The following LMO3 variants were observed in gnomAD, a reference collection of about 807,000 sequenced individuals.
LMO3 encodes the protein LIM domain only 3.
LMO3 carries 2 observed loss-of-function variants against 15.8 expected under a neutral mutation model. The ratio of observed to expected loss-of-function variants is 0.13; its 90% CI spans 0.05 to 0.40. The LOEUF is 0.40. LMO3 is among the 10% of genes least tolerant of loss of function. The pLI is 0.99. For synonymous variants in LMO3, 62 were observed against 63.8 expected (o/e 0.97, Z 0.13); for missense variants, 86 against 182.2 (o/e 0.47, Z 3.04).
At chr12:16,574,315 GA>G (rs1942925074) in intron 2 of LMO3, among the ~76,000 whole-genome samples, 1 of 152,070 alleles carries the variant, frequency 6.6e-6, no homozygotes, top group African/African-American at 2.4e-5. Flanking sequence ...TCTGATCAAC[GA>G]AAACGCCTGT....
At chr12:16,557,770 G>A (rs896313326) in intron 3 of LMO3, among the ~76,000 whole-genome samples, 23 of 151,948 alleles carry the variant, frequency 1.5e-4, no homozygotes, top group Admixed American at 9.2e-4. Flanking sequence ...AGGTATTAGT[G>A]TTTCTATTTT....
At chr12:16,581,365 G>A (rs181797554) in intron 2 of LMO3, among the ~76,000 whole-genome samples, 15 of 152,256 alleles carry the variant, frequency 9.9e-5, no homozygotes, top group Admixed American at 9.2e-4. Context: ...TCTCTAAAAT[G>A]GGTTTAATAA....
rs1349806689 is a variant in LMO3 at position 16,597,967 on chromosome 12, C to A, written c.206+2688G>T. 1 of 151,868 alleles carries A rather than the reference C, an allele frequency of 6.6e-6. No homozygotes were observed. Among genetic ancestry groups the A allele is most frequent in the Admixed American group, 6.6e-5 (1 of 15,224 alleles). 9.4% of individuals were successfully genotyped at this position (151,868 alleles called of 1,614,324 possible). Reference sequence around the variant, plus strand: ...TTAGATAGTGGCAACTTTAGGTGTACCTTCCTTTTTCCTTTAGCTAATTTC... The same window carrying A: ...TTAGATAGTGGCAACTTTAGGTGTAACTTCCTTTTTCCTTTAGCTAATTTC... On this transcript the variant is annotated intron_variant, in intron 2 of 3. Coordinates refer to ENST00000537304, the MANE Select transcript of LMO3 (RefSeq NM_018640.5). The surrounding 1 kb of genome is among the most constrained non-coding windows in gnomAD (Gnocchi z 5.0).
chr12:16,605,294 A>C, intron 1 of LMO3: 1 of 1,178,860 alleles, frequency 8.5e-7, no homozygotes, highest in Non-Finnish European at 1.1e-6. Flanking sequence ...AAGATCATAA[A>C]TCTGACTTGT....
intron 2 of LMO3, among the ~76,000 whole-genome samples, chr12:16,592,471 C>T (rs928843503): frequency 5.3e-5 from 8 of 151,960 alleles, no homozygotes; most frequent in Admixed American, 5.3e-4. Flanking sequence ...TCTAAAATTA[C>T]ATTCACAGTA....
rs146725768 is a variant in LMO3, at chr12:16,586,767, G to A, written c.206+13888C>T. Among the ~76,000 whole-genome samples the A allele has an allele frequency of 1.3e-3, 200 of 152,242 alleles. No individual in the cohort carries two copies. Among genetic ancestry groups the A allele is most frequent in the Admixed American group, 1.8e-3 (27 of 15,278 alleles). The stretch of plus-strand genomic sequence containing the variant: ...ACTTGAGCTAAGCTCCTGTGGCTCA[G>A]ATTATTTATTGCATTACTTTTGTAA... On this transcript the variant is annotated intron_variant, in intron 2 of 3. Coordinates refer to ENST00000537304, the MANE Select transcript of LMO3 (RefSeq NM_018640.5). This position sits in a 1 kb window ranked among gnomAD's most constrained non-coding sequence, Gnocchi z 4.3.
rs199758347 is a variant in LMO3 at position 16,606,084 on chromosome 12, CA to C, written c.-28del. ...CACTTACCTTCTCAATTAAGCGATA[CA>C]GGGGGAGGCCGTTCAGTAAGCACAG... is the stretch of plus-strand genomic sequence containing the variant. On this transcript the variant is annotated 5_prime_UTR_variant, in exon 1 of 4. Transcript: ENST00000537304. The C allele has an allele frequency of 0.015, 6,561 of 440,502 alleles. 72 individuals carry two copies. The highest frequency in any genetic ancestry group is 0.022 in the South Asian group (676 of 30,824). The allele number at this position is 440,502 out of a possible 1,614,324, so 27.3% of individuals were successfully genotyped here. A position where few individuals can be genotyped will look rare whatever the true frequency, so the allele number is the denominator to read the frequency against.
Position 16,591,686 on chromosome 12 carries a change from T to A in LMO3, c.206+8969A>T, listed in dbSNP as rs1438321804. 6.6e-6 allele frequency among the ~76,000 whole-genome samples: 1 copy of A among 152,032 alleles called. No homozygotes were observed. The highest frequency in any genetic ancestry group is 1.5e-5 in the Non-Finnish European group (1 of 67,966). The stretch of plus-strand genomic sequence containing the variant: ...TAAGCATTTTGCAAGGGGTGTCAAT[T>A]ATTGATAACTTACTGATATCTGTGA... On this transcript the variant is annotated intron_variant, in intron 2 of 3. Coordinates refer to ENST00000537304, the MANE Select transcript of LMO3 (RefSeq NM_018640.5). The surrounding 1 kb of genome is among the most constrained non-coding windows in gnomAD (Gnocchi z 4.1).
Position 16,576,674 on chromosome 12 carries a change from A to G in LMO3, c.207-16136T>C, listed in dbSNP as rs1468156077. Among the ~76,000 whole-genome samples, 2 of 152,166 alleles carry G rather than the reference A, an allele frequency of 1.3e-5. No individual in the cohort carries two copies. Among genetic ancestry groups the G allele is most frequent in the East Asian group, 1.9e-4 (1 of 5,190 alleles). The stretch of plus-strand genomic sequence containing the variant: ...TGCACCTAACACATGTGATGTTCAT[A>G]TGCTCCATAACTGCTGAATTAGAAT... On this transcript the variant is annotated intron_variant, in intron 2 of 3. Transcript: ENST00000537304. This position sits in a 1 kb window ranked among gnomAD's most constrained non-coding sequence, Gnocchi z 4.1.
intron 2 of LMO3, among the ~76,000 whole-genome samples, chr12:16,567,941 A>G (rs1336811525): frequency 1.3e-5 from 2 of 152,180 alleles, no homozygotes; most frequent in African/African-American, 4.8e-5. Context: ...GATCTGACCC[A>G]TTTTAACAAC....
At position 16,589,311 on chromosome 12, in the gene LMO3, C is replaced by G. The variant is rs997230680; in HGVS notation, c.206+11344G>C. On this transcript the variant is annotated intron_variant, in intron 2 of 3. Coordinates refer to ENST00000537304, the MANE Select transcript of LMO3 (RefSeq NM_018640.5). This position sits in a 1 kb window ranked among gnomAD's most constrained non-coding sequence, Gnocchi z 4.2. ...ATCATTGATGGAGAAGGGGCAATAC[C>G]TAATGTAGTAGAATAATGAGAAACA... is the stretch of plus-strand genomic sequence containing the variant. 6.6e-5 allele frequency among the ~76,000 whole-genome samples: 10 copies of G among 151,900 alleles called. No individual in the cohort carries two copies. Among genetic ancestry groups the G allele is most frequent in the African/African-American group, 2.2e-4 (9 of 41,356 alleles).
At chr12:16,595,841 T>TTA (rs894832829) in intron 2 of LMO3, among the ~76,000 whole-genome samples, 1 of 151,458 alleles carries the variant, frequency 6.6e-6, no homozygotes, top group African/African-American at 2.4e-5. Flanking sequence ...ATATAAAAGT[T>TTA]TATGCTTTCA....
At chr12:16,607,540 TAA>T (rs749251801), upstream of LMO3, 2 of 152,180 alleles carry the variant, frequency 1.3e-5, no homozygotes, top group African/African-American at 2.4e-5. Context: ...ATTATTTTTC[TAA>T]GTTTTCAAAC....
chr12:16,591,623 G>A lies in LMO3; in HGVS notation c.206+9032C>T, dbSNP rs1405624055. On this transcript the variant is annotated intron_variant, in intron 2 of 3. Coordinates refer to ENST00000537304, the MANE Select transcript of LMO3 (RefSeq NM_018640.5). The surrounding 1 kb of genome is among the most constrained non-coding windows in gnomAD (Gnocchi z 4.1). Reference sequence around the variant, plus strand: ...TGAATGAAAAAATGGGAATGGGGATGATTGTTTTGCAAGAGGTATCAATTG... The same window carrying A: ...TGAATGAAAAAATGGGAATGGGGATAATTGTTTTGCAAGAGGTATCAATTG... Among the ~76,000 whole-genome samples the A allele has an allele frequency of 6.6e-6, 1 of 152,034 alleles. No homozygotes were observed. The highest frequency in any genetic ancestry group is 1.9e-4 in the East Asian group (1 of 5,190).
intron 2 of LMO3, among the ~76,000 whole-genome samples, chr12:16,565,245 G>A (rs932917966): frequency 3.2e-4 from 48 of 152,334 alleles, no homozygotes; most frequent in African/African-American, 1.1e-3. Context: ...ACTTTTGACT[G>A]TTGGATGGAA....
intron 2 of LMO3, among the ~76,000 whole-genome samples, chr12:16,583,676 G>T (rs1050257819): frequency 6.6e-6 from 1 of 152,190 alleles, no homozygotes; most frequent in African/African-American, 2.4e-5. Flanking sequence ...TATGTTATTT[G>T]CTTGTTTCTA....
At chr12:16,600,291 CAAAAAAAA>C (rs35993210) in intron 2 of LMO3, 6 of 69,682 alleles carry the variant, frequency 8.6e-5, no homozygotes, top group South Asian at 5.2e-4. Context: ...CCTTAAGCTC[CAAAAAAAA>C]AAAAAAAAAA....
At chr12:16,600,291 C>CAAAAAAAAA (rs35993210) in intron 2 of LMO3, 2,865 of 67,984 alleles carry the variant, frequency 0.042, no homozygotes, top group East Asian at 0.072. Flanking sequence ...CCTTAAGCTC[C>CAAAAAAAAA]AAAAAAAAAA....
rs1372262549 is a variant in LMO3 at position 16,597,628 on chromosome 12, G to A, written c.206+3027C>T. On this transcript the variant is annotated intron_variant, in intron 2 of 3. Coordinates refer to ENST00000537304, the MANE Select transcript of LMO3 (RefSeq NM_018640.5). The surrounding 1 kb of genome is among the most constrained non-coding windows in gnomAD (Gnocchi z 5.0). ...TTGTAACCAACAATATATGTGGACA[G>A]GCAAATTACTATTTTATTACTTTCC... 6.6e-6 allele frequency: 1 copy of A among 151,790 alleles called. No individual in the cohort carries two copies. The highest frequency in any genetic ancestry group is 1.5e-5 in the Non-Finnish European group (1 of 67,798). The allele number at this position is 151,790 out of a possible 1,614,324, so 9.4% of individuals were successfully genotyped here. A position where few individuals can be genotyped will look rare whatever the true frequency, so the allele number is the denominator to read the frequency against.
Sources: allele counts gnomAD v4.1 joint callset (sites outside exome capture counted in the v4.1 genomes callset), GRCh38; gene constraint gnomAD v4.1.1; non-coding constraint Gnocchi (gnomAD v3.1); transcripts MANE v1.5; gene names NCBI Gene and HGNC (gene_info 2026-07-23, HGNC 2026-07-21).